Variants in PARVG observed in about 807,000 individuals in gnomAD.
PARVG encodes the protein parvin gamma.
Under a neutral mutation model 44.4 loss-of-function variants are expected in PARVG, and 36 were observed. The ratio of observed to expected loss-of-function variants is 0.81; its 90% CI spans 0.62 to 1.07. PARVG has a LOEUF of 1.07. PARVG is among the 50% of genes least tolerant of loss of function. PARVG has a pLI of 0.00. For missense variants in PARVG, 407 were observed against 407.4 expected, an observed-to-expected ratio of 1.00 and a Z score of 0.01; for synonymous variants, 170 against 174.1, an observed-to-expected ratio of 0.98 and a Z score of 0.19.
chr22:44,182,468 C>A lies in PARVG; in HGVS notation c.-13+551C>A, dbSNP rs1190767728. Among the ~76,000 whole-genome samples, 1 of 152,252 alleles carries A rather than the reference C, an allele frequency of 6.6e-6. No homozygotes were observed. Among genetic ancestry groups the A allele is most frequent in the Admixed American group, 6.5e-5 (1 of 15,304 alleles). ...TACAGGGCAGGATGGAGTCTGGCAT[C>A]CCCCGCCCCAGGCTGGCTGCTGGTG... On this transcript the variant is annotated intron_variant, in intron 2 of 13. Transcript: ENST00000444313. This position sits in a 1 kb window ranked among gnomAD's most constrained non-coding sequence, Gnocchi z 4.6.
chr22:44,204,348 T>C lies in PARVG; in HGVS notation c.814-1409T>C, dbSNP rs546076614. 4.6e-5 allele frequency among the ~76,000 whole-genome samples: 7 copies of C among 152,322 alleles called. No homozygotes were observed. In the South Asian group the frequency reaches 1.5e-3, roughly 32 times the overall value. On this transcript the variant is annotated intron_variant, in intron 12 of 13. Coordinates refer to ENST00000444313, the MANE Select transcript of PARVG (RefSeq NM_022141.7). ...CTTTGTGGCTTCAATTCTGTGTCCGTCATCACATTGGACGCACATGGCAGC... is the reference window on the plus strand; with the variant it reads ...CTTTGTGGCTTCAATTCTGTGTCCGCCATCACATTGGACGCACATGGCAGC...
At chr22:44,174,366 G>A (rs1298697932) in intron 1 of PARVG, among the ~76,000 whole-genome samples, 1 of 152,118 alleles carries the variant, frequency 6.6e-6, no homozygotes, top group Non-Finnish European at 1.5e-5. Context: ...CACCGGAGTA[G>A]GGACTAATCC....
Position 44,206,516 on chromosome 22 carries a change from C to A in PARVG, c.*90C>A. The A allele has an allele frequency of 8.6e-7, 1 of 1,169,348 alleles. No homozygotes were observed. Among genetic ancestry groups the A allele is most frequent in the East Asian group, 2.4e-5 (1 of 41,848 alleles). 72.4% of individuals were successfully genotyped at this position (1,169,348 alleles called of 1,614,324 possible). On this transcript the variant is annotated 3_prime_UTR_variant, in exon 14 of 14. Coordinates refer to ENST00000444313, the MANE Select transcript of PARVG (RefSeq NM_022141.7). ...GTGTCCTCCCACAGTCCCGCTGTTT[C>A]CTGTGCATTCGTGACCCGCTTCCCT...
chr22:44,190,736 C>T lies in PARVG; in HGVS notation c.504+70C>T, dbSNP rs2054536990. 6 of 1,324,502 alleles carry T rather than the reference C, an allele frequency of 4.5e-6. No individual in the cohort carries two copies. In the South Asian group the frequency reaches 7.1e-5, roughly 16 times the overall value. 82.0% of individuals were successfully genotyped at this position (1,324,502 alleles called of 1,614,324 possible). ...CTTGGGCCCCCATTGCCGTACCCTG[C>T]ATGGGTGGAGCTGGCTGGGGCGGGG... is the stretch of plus-strand genomic sequence containing the variant. On this transcript the variant is annotated intron_variant, in intron 7 of 13. Transcript: ENST00000444313.
intron 5 of PARVG, chr22:44,188,804 C>T (rs912366938): frequency 4.9e-6 from 2 of 407,752 alleles, no homozygotes; most frequent in Non-Finnish European, 9.2e-6. Context: ...TGCAGAAGGG[C>T]AGGGGCTGCA....
At chr22:44,184,362 A>G (rs2054431825) in intron 3 of PARVG, 1 of 152,172 alleles carries the variant, frequency 6.6e-6, no homozygotes, top group African/African-American at 2.4e-5. Flanking sequence ...TCTTGAGACA[A>G]AAATCTCACT....
intron 4 of PARVG, chr22:44,186,414 C>T (rs2054471012): frequency 7.9e-6 from 3 of 380,898 alleles, no homozygotes; most frequent in African/African-American, 2.1e-5. Flanking sequence ...CTCTGTTTCC[C>T]TCAGCGTCTG....
chr22:44,196,300 T>G, intron 10 of PARVG, 47 bp from the exon 11 acceptor site: 1 of 1,613,978 alleles, frequency 6.2e-7, no homozygotes, highest in African/African-American at 1.3e-5. Context: ...TCACGGGTCC[T>G]CCCATCACAC....
At chr22:44,196,665 C>G (rs1041693662) in intron 11 of PARVG, among the ~76,000 whole-genome samples, 1 of 152,122 alleles carries the variant, frequency 6.6e-6, no homozygotes, top group Non-Finnish European at 1.5e-5. Flanking sequence ...GTCACTGCTT[C>G]TCATTGTTAT....
At chr22:44,204,534 C>T (rs896089546) in intron 12 of PARVG, among the ~76,000 whole-genome samples, 16 of 152,216 alleles carry the variant, frequency 1.1e-4, no homozygotes, top group Non-Finnish European at 2.9e-5. Context: ...TCCTCTTGCT[C>T]GGGCCATCCA....
chr22:44,202,628 TG>T (rs2054724968), intron 12 of PARVG, among the ~76,000 whole-genome samples: 1 of 152,248 alleles, frequency 6.6e-6, no homozygotes, highest in Admixed American at 6.5e-5. Flanking sequence ...CAGCATATTG[TG>T]GGCAATCTCT....
In PARVG at chr22:44,183,620, C is replaced by A. The variant is rs16991623; in HGVS notation, c.79+212C>A. The A allele has an allele frequency of 0.019, 9,869 of 517,162 alleles. 757 individuals carry two copies. Among genetic ancestry groups the A allele is most frequent in the African/African-American group, 0.18 (8,806 of 50,246 alleles). The allele number at this position is 517,162 out of a possible 1,614,324, so 32.0% of individuals were successfully genotyped here. On this transcript the variant is annotated intron_variant, in intron 3 of 13. Transcript: ENST00000444313. ...GAACCTCTTCTCTCCAGATGAGAGA[C>A]GGTGTGGATTACGATGGTGAATACT...
At chr22:44,202,862 C>T (rs115005435) in intron 12 of PARVG, among the ~76,000 whole-genome samples, 492 of 152,302 alleles carry the variant, frequency 3.2e-3, no homozygotes, top group Admixed American at 9.9e-3. Context: ...GAGGATCATT[C>T]GCTCCCAGAA....
chr22:44,192,179 C>G (rs2054557620), intron 8 of PARVG, 75 bp downstream of exon 8: 1 of 1,530,578 alleles, frequency 6.5e-7, no homozygotes, highest in Admixed American at 1.8e-5. Flanking sequence ...GGGGCCAGGG[C>G]AGATCTGCCT....
chr22:44,205,146 G>A (rs921429265), intron 12 of PARVG, among the ~76,000 whole-genome samples: 6 of 152,164 alleles, frequency 3.9e-5, no homozygotes, highest in South Asian at 4.1e-4. Flanking sequence ...AAGGGGTGGC[G>A]GAAAGGACAG....
chr22:44,173,961 T>C (rs1019595390), intron 1 of PARVG, among the ~76,000 whole-genome samples: 2 of 152,034 alleles, frequency 1.3e-5, no homozygotes, highest in Non-Finnish European at 2.9e-5. Context: ...TCGCCTGCAC[T>C]TTTATTGGGT....
rs1210120590 is a variant in PARVG, at chr22:44,182,816, G to A, written c.-12-502G>A. On this transcript the variant is annotated intron_variant, in intron 2 of 13. Transcript: ENST00000444313. The surrounding 1 kb of genome is among the most constrained non-coding windows in gnomAD (Gnocchi z 4.6). ...AATGAGGAGGAGGAAGATGAACAGT[G>A]CCTCTGTCAACCCTGGCCCTTCCGG... 6.6e-6 allele frequency among the ~76,000 whole-genome samples: 1 copy of A among 152,186 alleles called. No homozygotes were observed. The highest frequency in any genetic ancestry group is 2.4e-5 in the African/African-American group (1 of 41,458).
intron 7 of PARVG, among the ~76,000 whole-genome samples, chr22:44,191,172 C>T (rs926120624): frequency 2.0e-5 from 3 of 152,114 alleles, no homozygotes; most frequent in Non-Finnish European, 4.4e-5. Flanking sequence ...CCTGCCTGTG[C>T]TGCGGTTAAT....
chr22:44,184,470 C>G (rs2054433624), intron 3 of PARVG: 1 of 152,214 alleles, frequency 6.6e-6, no homozygotes. Flanking sequence ...TCCCAAGTAG[C>G]TGGGCTTATA....
Sources: gnomAD v4.1 joint callset for allele counts (sites outside exome capture counted in the v4.1 genomes callset) on GRCh38, gnomAD v4.1.1 for gene constraint, Gnocchi (gnomAD v3.1) non-coding constraint, MANE v1.5 for transcripts, NCBI Gene and HGNC (gene_info 2026-07-23, HGNC 2026-07-21) for gene names.